Variants in KIAA1328 observed in about 807,000 individuals in gnomAD.
The protein encoded by KIAA1328 is protein hinderin.
KIAA1328 carries 52 observed loss-of-function variants against 68.1 expected under a neutral mutation model. The ratio of observed to expected loss-of-function variants is 0.76; its 90% CI spans 0.61 to 0.96. The LOEUF is 0.96. KIAA1328 is among the 40% of genes least tolerant of loss of function. KIAA1328 has a pLI of 0.00. For synonymous variants in KIAA1328, 232 were observed against 239.4 expected, an observed-to-expected ratio of 0.97 and a Z score of 0.28; for missense variants, 641 against 677.6, an observed-to-expected ratio of 0.95 and a Z score of 0.60.
At chr18:36,972,421 A>G (rs2052264307) in intron 6 of KIAA1328, among the ~76,000 whole-genome samples, 1 of 152,220 alleles carries the variant, frequency 6.6e-6, no homozygotes, top group Admixed American at 6.5e-5. Context: ...TATATAATTA[A>G]TAATAGCCAG....
In KIAA1328 at chr18:37,067,530, G is replaced by T; in HGVS notation, c.1217G>T (p.Arg406Leu). ...AAACAGCAGCAGCTTCACCAGTCTC[G>T]ACTGGATTACAATTGGTGAGTACTG... Reference protein sequence around the residue: ...LLKQQQLHQSRLDYNCLLKSN... With the variant: ...LLKQQQLHQSLLDYNCLLKSN... Residue 406 changes from arginine to leucine, a missense_variant, in exon 7 of 10, where the codon CGA becomes CTA. Coordinates refer to ENST00000280020, the MANE Select transcript of KIAA1328 (RefSeq NM_020776.3). 2.0e-6 allele frequency: 3 copies of T among 1,530,298 alleles called. No individual in the cohort carries two copies. The highest frequency in any genetic ancestry group is 2.4e-5 in the South Asian group (2 of 83,246). The allele number at this position is 1,530,298 out of a possible 1,614,324, so 94.8% of individuals were successfully genotyped here. A position where few individuals can be genotyped will look rare whatever the true frequency, so the allele number is the denominator to read the frequency against.
intron 4 of KIAA1328, among the ~76,000 whole-genome samples, chr18:36,856,521 T>C (rs891859842): frequency 1.3e-5 from 2 of 152,142 alleles, no homozygotes; most frequent in Non-Finnish European, 2.9e-5. Flanking sequence ...AGTTGGTTCC[T>C]TTTTACAATT....
chr18:37,160,554 G>A (rs570142502), intron 8 of KIAA1328, among the ~76,000 whole-genome samples, 173 bp downstream of exon 8: 16 of 152,294 alleles, frequency 1.1e-4, no homozygotes, highest in African/African-American at 3.8e-4. Context: ...AATTGTGTCT[G>A]TGTTTTTCTT....
intron 7 of KIAA1328, among the ~76,000 whole-genome samples, chr18:37,127,298 T>G (rs891148091): frequency 6.6e-6 from 1 of 152,176 alleles, no homozygotes; most frequent in Admixed American, 6.5e-5. Context: ...AAGTTGCAGT[T>G]TTTTAAAAAA....
chr18:37,170,806 T>C (rs2059485877), intron 8 of KIAA1328, among the ~76,000 whole-genome samples: 1 of 152,174 alleles, frequency 6.6e-6, no homozygotes, highest in African/African-American at 2.4e-5. Flanking sequence ...ATTTTCCTTA[T>C]CTGCAAATTT....
intron 7 of KIAA1328, among the ~76,000 whole-genome samples, chr18:37,088,823 A>T (rs1207336294): frequency 1.3e-5 from 2 of 152,096 alleles, no homozygotes; most frequent in Non-Finnish European, 2.9e-5. Flanking sequence ...ACTTTAAAAA[A>T]TTTTTAATGT....
intron 7 of KIAA1328, among the ~76,000 whole-genome samples, chr18:37,121,711 T>C (rs995127256): frequency 6.6e-6 from 1 of 152,106 alleles, no homozygotes; most frequent in East Asian, 1.9e-4. Flanking sequence ...ATAGAAGAGT[T>C]AGTAGGATAA....
intron 9 of KIAA1328, among the ~76,000 whole-genome samples, chr18:37,212,861 C>T (rs531646899): frequency 1.4e-4 from 22 of 152,304 alleles, no homozygotes; most frequent in African/African-American, 5.1e-4. Context: ...GCTGGGACTA[C>T]AGGCACGAGC....
chr18:36,960,050 C>G (rs1325771118), intron 6 of KIAA1328, among the ~76,000 whole-genome samples: 3 of 152,160 alleles, frequency 2.0e-5, no homozygotes, highest in African/African-American at 7.2e-5. Flanking sequence ...TTTCCGTTTC[C>G]TAGCCAAGGG....
chr18:36,926,012 T>G (rs555017822), intron 5 of KIAA1328, among the ~76,000 whole-genome samples: 6 of 152,104 alleles, frequency 3.9e-5, no homozygotes, highest in African/African-American at 1.4e-4. Context: ...CTTAGTATTG[T>G]TTTGTTGTTC....
At chr18:36,959,474 A>G in intron 6 of KIAA1328, 39 bp downstream of exon 6, 1 of 1,584,792 alleles carries the variant, frequency 6.3e-7, no homozygotes, top group Non-Finnish European at 8.6e-7. Flanking sequence ...TCTTCAGTGG[A>G]TCAGCAAGAT....
chr18:37,149,908 A>G lies in KIAA1328; in HGVS notation c.1233-10292A>G, dbSNP rs574517776. ...TACTATGAAAAGAAAAAAATTACCA[A>G]TATCAGGACTGAAAAAGGATATATC... is the stretch of plus-strand genomic sequence containing the variant. On this transcript the variant is annotated intron_variant, in intron 7 of 9. Coordinates refer to ENST00000280020, the MANE Select transcript of KIAA1328 (RefSeq NM_020776.3). 5.9e-5 allele frequency among the ~76,000 whole-genome samples: 9 copies of G among 152,328 alleles called. No homozygotes were observed. In the East Asian group the frequency reaches 1.7e-3, roughly 29 times the overall value.
chr18:37,120,561 T>A (rs936933799), intron 7 of KIAA1328, among the ~76,000 whole-genome samples: 3 of 152,130 alleles, frequency 2.0e-5, no homozygotes, highest in Non-Finnish European at 2.9e-5. Flanking sequence ...AAGCGCTGGA[T>A]GGTGTAAGAA....
chr18:37,117,409 A>G lies in KIAA1328; in HGVS notation c.1233-42791A>G, dbSNP rs947621970. Among the ~76,000 whole-genome samples the G allele has an allele frequency of 1.4e-4, 22 of 152,264 alleles. No homozygotes were observed. In the East Asian group the frequency reaches 2.1e-3, roughly 15 times the overall value. Reference sequence around the variant, plus strand: ...TCGCAAGGACAGGAAACCAAACACCACATGTTCTCACTCATAGGTGGGAAT... The same window carrying G: ...TCGCAAGGACAGGAAACCAAACACCGCATGTTCTCACTCATAGGTGGGAAT... On this transcript the variant is annotated intron_variant, in intron 7 of 9. Transcript: ENST00000280020.
intron 7 of KIAA1328, among the ~76,000 whole-genome samples, chr18:37,072,983 C>A (rs574205404): frequency 1.2e-4 from 18 of 152,230 alleles, no homozygotes; most frequent in Admixed American, 1.0e-3. Flanking sequence ...TGAAACTGGA[C>A]CTCTTCCTTA....
At chr18:36,856,488 T>C (rs1392534423) in intron 4 of KIAA1328, among the ~76,000 whole-genome samples, 2 of 152,174 alleles carry the variant, frequency 1.3e-5, no homozygotes, top group Non-Finnish European at 2.9e-5. Flanking sequence ...TTGAGTATTA[T>C]ACTTCTCAGG....
At chr18:37,142,212 G>C (rs916885723) in intron 7 of KIAA1328, among the ~76,000 whole-genome samples, 5 of 151,854 alleles carry the variant, frequency 3.3e-5, no homozygotes, top group Admixed American at 1.3e-4. Context: ...TTTTTTTGGG[G>C]ATGGAGTCTC....
intron 9 of KIAA1328, among the ~76,000 whole-genome samples, chr18:37,212,169 A>C (rs2060329596): frequency 6.6e-6 from 1 of 152,246 alleles, no homozygotes; most frequent in South Asian, 2.1e-4. Context: ...CTTATAAGCA[A>C]AATTTCCTAG....
rs966261748 is a variant in KIAA1328 at position 37,222,937 on chromosome 18, A to G, written c.*710A>G. 1 of 985,592 alleles carries G rather than the reference A, an allele frequency of 1.0e-6. No individual in the cohort carries two copies. Among genetic ancestry groups the G allele is most frequent in the South Asian group, 4.7e-5 (1 of 21,286 alleles). 61.1% of individuals were successfully genotyped at this position (985,592 alleles called of 1,614,324 possible). A position where few individuals can be genotyped will look rare whatever the true frequency, so the allele number is the denominator to read the frequency against. On this transcript the variant is annotated 3_prime_UTR_variant, in exon 10 of 10. Transcript: ENST00000280020. ...TCCTGGGGAAATTCAGTGGAGGCAC[A>G]AGCCTGAAGCACTCTTCTACCAATG...
Sources: allele counts gnomAD v4.1 joint callset (sites outside exome capture counted in the v4.1 genomes callset), GRCh38; gene constraint gnomAD v4.1.1; transcripts MANE v1.5; gene names NCBI Gene and HGNC (gene_info 2026-07-23, HGNC 2026-07-21).